Variants in MDGA2 observed in about 807,000 individuals in gnomAD.
MDGA2 encodes MAM domain containing glycosylphosphatidylinositol anchor 2.
In MDGA2, 40 loss-of-function variants were observed where a neutral mutation model predicts 117.8. The ratio of observed to expected loss-of-function variants is 0.34; its 90% CI spans 0.26 to 0.44. The LOEUF is 0.44. Ranked by LOEUF, MDGA2 falls within the 20% of genes least tolerant of loss-of-function variation. MDGA2 has a pLI of 1.00. For missense variants in MDGA2, 1,123 were observed against 1,250.6 expected (o/e 0.90, Z 1.54); for synonymous variants, 452 against 439.0 (o/e 1.03, Z -0.37).
chr14:47,156,453 TC>T, intron 3 of MDGA2, among the ~76,000 whole-genome samples: 1 of 152,288 alleles, frequency 6.6e-6, no homozygotes, highest in South Asian at 2.1e-4. Context: ...CTCGAGTTTC[TC>T]TAGTGACATA....
intron 1 of MDGA2, among the ~76,000 whole-genome samples, chr14:47,544,760 T>G (rs771904984): frequency 2.6e-5 from 4 of 152,132 alleles, no homozygotes; most frequent in Non-Finnish European, 4.4e-5. Flanking sequence ...CCATCCAGTC[T>G]GTACTAGATA....
At chr14:46,968,692 T>C (rs951343102) in intron 8 of MDGA2, among the ~76,000 whole-genome samples, 7 of 150,476 alleles carry the variant, frequency 4.7e-5, no homozygotes, top group Admixed American at 2.0e-4. Context: ...AAAAAATTAG[T>C]TGGGTATGGT....
intron 14 of MDGA2, among the ~76,000 whole-genome samples, chr14:46,857,118 G>A (rs774671023): frequency 5.3e-5 from 8 of 151,702 alleles, no homozygotes; most frequent in African/African-American, 1.2e-4. Context: ...CTTACCTTCC[G>A]GTACTATTTT....
At chr14:47,638,106 G>T (rs192302094) in intron 1 of MDGA2, among the ~76,000 whole-genome samples, 9 of 152,236 alleles carry the variant, frequency 5.9e-5, no homozygotes, top group Non-Finnish European at 1.2e-4. Context: ...GACATCCACA[G>T]TCAGAAATAC....
chr14:47,035,496 A>T (rs1480569209), intron 7 of MDGA2, among the ~76,000 whole-genome samples, 192 bp from the exon 8 acceptor site: 1 of 152,226 alleles, frequency 6.6e-6, no homozygotes, highest in Non-Finnish European at 1.5e-5. Context: ...TGTATATTTT[A>T]AAATGAGGAC....
intron 1 of MDGA2, among the ~76,000 whole-genome samples, chr14:47,519,828 G>A (rs1894832828): frequency 6.6e-6 from 1 of 151,840 alleles, no homozygotes; most frequent in African/African-American, 2.4e-5. Context: ...CTCTTTTTTG[G>A]AATTAAGAGA....
At chr14:46,990,891 CA>C (rs1887067770) in intron 8 of MDGA2, among the ~76,000 whole-genome samples, 2 of 146,228 alleles carry the variant, frequency 1.4e-5, no homozygotes, top group Admixed American at 6.8e-5. Flanking sequence ...CACACACACA[CA>C]CACACACACC....
chr14:47,537,894 C>G (rs1215141123), intron 1 of MDGA2, among the ~76,000 whole-genome samples: 1 of 152,106 alleles, frequency 6.6e-6, no homozygotes, highest in African/African-American at 2.4e-5. Flanking sequence ...TATTTAGGAA[C>G]CAGACTTCCC....
At chr14:47,469,784 T>C (rs1212052323) in intron 1 of MDGA2, among the ~76,000 whole-genome samples, 1 of 152,154 alleles carries the variant, frequency 6.6e-6, no homozygotes, top group African/African-American at 2.4e-5. Flanking sequence ...TGTAAAAGTG[T>C]TCCTATTTCT....
chr14:47,522,378 C>CACAA (rs1894889454), intron 1 of MDGA2, among the ~76,000 whole-genome samples: 2 of 76,694 alleles, frequency 2.6e-5, no homozygotes, highest in South Asian at 1.0e-3. Context: ...TATATACACA[C>CACAA]ACACACACAA....
At chr14:47,331,256 CTTT>C (rs1446373115) in intron 1 of MDGA2, among the ~76,000 whole-genome samples, 1 of 151,754 alleles carries the variant, frequency 6.6e-6, no homozygotes, top group Non-Finnish European at 1.5e-5. Context: ...TGACAAAATA[CTTT>C]TTTATAAACT....
intron 6 of MDGA2, among the ~76,000 whole-genome samples, chr14:47,073,255 G>A (rs920004990): frequency 9.8e-5 from 15 of 152,308 alleles, no homozygotes; most frequent in African/African-American, 3.6e-4. Context: ...TTTTTGGTGA[G>A]TGGCAATGGT....
At chr14:47,658,292 C>T (rs575943511) in intron 1 of MDGA2, among the ~76,000 whole-genome samples, 1 of 152,130 alleles carries the variant, frequency 6.6e-6, no homozygotes, top group Non-Finnish European at 1.5e-5. Context: ...TGTGTTGATG[C>T]TCTCTTACCT....
At chr14:47,152,280 C>T (rs896865207) in intron 3 of MDGA2, among the ~76,000 whole-genome samples, 1 of 152,090 alleles carries the variant, frequency 6.6e-6, no homozygotes, top group Non-Finnish European at 1.5e-5. Flanking sequence ...TAAGAATTAT[C>T]TACTTGCCCA....
intron 1 of MDGA2, among the ~76,000 whole-genome samples, chr14:47,503,643 A>C (rs1232669050): frequency 6.6e-6 from 1 of 151,986 alleles, no homozygotes; most frequent in Non-Finnish European, 1.5e-5. Flanking sequence ...TGACCTCGTG[A>C]TCTGCCCGCC....
intron 8 of MDGA2, among the ~76,000 whole-genome samples, chr14:46,974,456 G>A (rs1250556113): frequency 1.3e-5 from 2 of 151,952 alleles, no homozygotes; most frequent in African/African-American, 2.4e-5. Flanking sequence ...TGGAAGACTC[G>A]CACTTCTTGA....
chr14:47,327,432 T>G (rs907866410), intron 1 of MDGA2, among the ~76,000 whole-genome samples: 2 of 152,182 alleles, frequency 1.3e-5, no homozygotes, highest in African/African-American at 2.4e-5. Flanking sequence ...GAAACAAGGA[T>G]ATCATCTGAT....
At chr14:46,963,739 T>C (rs1378908836) in intron 8 of MDGA2, among the ~76,000 whole-genome samples, 3 of 152,062 alleles carry the variant, frequency 2.0e-5, no homozygotes, top group African/African-American at 7.2e-5. Context: ...TTTCTGCATA[T>C]GTTCACTCTT....
chr14:47,226,346 G>C (rs186144611), intron 2 of MDGA2, among the ~76,000 whole-genome samples: 1 of 152,016 alleles, frequency 6.6e-6, no homozygotes, highest in African/African-American at 2.4e-5. Flanking sequence ...GACTCATCAC[G>C]GTAGACAAGT....
Sources: gnomAD v4.1 joint callset for allele counts (sites outside exome capture counted in the v4.1 genomes callset) on GRCh38, gnomAD v4.1.1 for gene constraint, MANE v1.5 for transcripts, NCBI Gene and HGNC (gene_info 2026-07-23, HGNC 2026-07-21) for gene names.